Variants in NAALADL2 observed in about 807,000 individuals in gnomAD.
NAALADL2 encodes the protein inactive N-acetylated-alpha-linked acidic dipeptidase-like protein 2.
In NAALADL2, 76 loss-of-function variants were observed where a neutral mutation model predicts 87.2. That is an observed-to-expected ratio of 0.87 (90% confidence interval 0.72 to 1.05). The LOEUF is 1.05. Ranked by LOEUF, NAALADL2 falls within the 50% of genes least tolerant of loss-of-function variation. The pLI, the probability that NAALADL2 is intolerant of heterozygous loss-of-function variation, is 0.00. For missense variants in NAALADL2, 1,089 were observed against 945.8 expected (o/e 1.15, Z -1.99); for synonymous variants, 354 against 331.0 (o/e 1.07, Z -0.75).
chr3:175,496,086 C>T (rs1728772219), intron 9 of NAALADL2, among the ~76,000 whole-genome samples: 2 of 152,072 alleles, frequency 1.3e-5, no homozygotes, highest in African/African-American at 4.8e-5. Flanking sequence ...TACTTGGAAG[C>T]CTGTGTCACA....
intron 2 of NAALADL2, among the ~76,000 whole-genome samples, chr3:175,155,527 GAATT>G (rs1260487926): frequency 6.6e-6 from 1 of 152,066 alleles, no homozygotes. Flanking sequence ...TTTATGTTGG[GAATT>G]AATTCATGGT....
At position 174,705,103 on chromosome 3, in the gene NAALADL2, C is replaced by G. The variant is rs117471710; in HGVS notation, c.-114-32538C>G. 2.6e-5 allele frequency among the ~76,000 whole-genome samples: 4 copies of G among 152,212 alleles called. No homozygotes were observed. In the East Asian group the frequency reaches 7.7e-4, roughly 29 times the overall value. ...GTTGTTTATTCCAGCAGCTCAGGGT[C>G]CTAGGCAGGAACCAGATCTGGACAG... On this transcript the variant is annotated intron_variant, in intron 2 of 3. Transcript: ENST00000434257.
At chr3:175,262,940 A>G (rs1751314561) in intron 4 of NAALADL2, among the ~76,000 whole-genome samples, 1 of 151,484 alleles carries the variant, frequency 6.6e-6, no homozygotes. Flanking sequence ...TTAAAATAAC[A>G]TGCTTGTTCA....
Position 175,140,351 on chromosome 3 carries a change from A to G in NAALADL2, c.545+43060A>G, listed in dbSNP as rs115458792. Among the ~76,000 whole-genome samples the G allele has an allele frequency of 4.8e-3, 725 of 152,242 alleles. 9 individuals are homozygous for G. The highest frequency in any genetic ancestry group is 0.017 in the African/African-American group (710 of 41,542). Reference sequence around the variant, plus strand: ...CTAGAAAATGTACTATATGCATGAGATCATGTCCCTGTCCTCAGAGAGCTT... The same window carrying G: ...CTAGAAAATGTACTATATGCATGAGGTCATGTCCCTGTCCTCAGAGAGCTT... On this transcript the variant is annotated intron_variant, in intron 2 of 13. Coordinates refer to ENST00000454872, the MANE Select transcript of NAALADL2 (RefSeq NM_207015.3).
At chr3:175,627,801 T>C (rs1727199878) in intron 11 of NAALADL2, among the ~76,000 whole-genome samples, 1 of 151,692 alleles carries the variant, frequency 6.6e-6, no homozygotes, top group Non-Finnish European at 1.5e-5. Flanking sequence ...AGTTATTCTA[T>C]TCATCTCAGG....
chr3:175,096,985 T>C lies in NAALADL2; in HGVS notation c.239T>C (p.Ile80Thr), dbSNP rs1424438800. The change falls in exon 2 of 14, where the codon ATA becomes ACA. Residue 80 changes from isoleucine to threonine, a missense_variant. Coordinates refer to ENST00000454872, the MANE Select transcript of NAALADL2 (RefSeq NM_207015.3). ...ENQNLGHSET[I>T]DLNLDSIQPA... is the part of the protein sequence containing the mutation. Reference sequence around the variant, plus strand: ...CAGAACCTAGGGCATTCAGAGACTATAGACCTCAATCTTGATTCCATTCAA... The same window carrying C: ...CAGAACCTAGGGCATTCAGAGACTACAGACCTCAATCTTGATTCCATTCAA... 1.2e-6 allele frequency: 2 copies of C among 1,613,430 alleles called. No individual in the cohort carries two copies. The highest frequency in any genetic ancestry group is 1.7e-6 in the Non-Finnish European group (2 of 1,179,652).
intron 11 of NAALADL2, chr3:175,718,792 T>A: frequency 2.8e-6 from 2 of 706,662 alleles, no homozygotes; most frequent in Non-Finnish European, 4.6e-6. Context: ...CCAAGCATGG[T>A]GACGCACACA....
intron 2 of NAALADL2, among the ~76,000 whole-genome samples, chr3:175,177,871 AG>A (rs1735918286): frequency 6.8e-6 from 1 of 147,100 alleles, no homozygotes; most frequent in African/African-American, 2.5e-5. Context: ...GCATGCTGTA[AG>A]CACCTACAAA....
Position 175,013,272 on chromosome 3 carries a change from T to TA in NAALADL2, c.44-83517dup, listed in dbSNP as rs1560476005. Among the ~76,000 whole-genome samples the TA allele has an allele frequency of 6.4e-3, 616 of 96,162 alleles. 20 individuals carry two copies. Among genetic ancestry groups the TA allele is most frequent in the African/African-American group, 0.03 (588 of 19,822 alleles). The allele number at this position is 96,162 out of a possible 152,430, so 63.1% of individuals were successfully genotyped here. A position where few individuals can be genotyped will look rare whatever the true frequency, so the allele number is the denominator to read the frequency against. On this transcript the variant is annotated intron_variant, in intron 1 of 13. Transcript: ENST00000454872. ...TATATAATATACATATATTTTTATA[T>TA]ATATACATATATATATATATATATA...
chr3:174,866,424 G>C (rs1206201183), intron 1 of NAALADL2, among the ~76,000 whole-genome samples: 1 of 151,192 alleles, frequency 6.6e-6, no homozygotes, highest in East Asian at 1.9e-4. Flanking sequence ...AAAATAGAAA[G>C]GAAAATAATA....
At chr3:174,763,216 C>G in intron 3 of NAALADL2, among the ~76,000 whole-genome samples, 1 of 151,792 alleles carries the variant, frequency 6.6e-6, no homozygotes, top group African/African-American at 2.4e-5. Flanking sequence ...ATTTCCAATC[C>G]TGTTCAGAGT....
intron 2 of NAALADL2, among the ~76,000 whole-genome samples, chr3:174,661,368 A>G (rs1725487177): frequency 6.6e-6 from 1 of 152,154 alleles, no homozygotes. Flanking sequence ...GCAATTTATT[A>G]ATTATTCCAG....
intron 10 of NAALADL2, among the ~76,000 whole-genome samples, chr3:175,608,020 G>A (rs568946381): frequency 1.3e-5 from 2 of 151,440 alleles, no homozygotes; most frequent in Non-Finnish European, 2.9e-5. Context: ...ATTTTTGCCC[G>A]AGGTCACTAT....
At chr3:175,441,575 G>C (rs1387479883) in intron 5 of NAALADL2, among the ~76,000 whole-genome samples, 1 of 151,964 alleles carries the variant, frequency 6.6e-6, no homozygotes, top group African/African-American at 2.4e-5. Flanking sequence ...TGCACTCCTA[G>C]TAAGTCCTAG....
At chr3:175,737,961 A>C (rs1184740330) in intron 12 of NAALADL2, among the ~76,000 whole-genome samples, 12 of 151,666 alleles carry the variant, frequency 7.9e-5, no homozygotes, top group Admixed American at 7.9e-4. Flanking sequence ...TTCTGACCCC[A>C]CCCTAATAAT....
At chr3:174,928,500 A>G (rs1736418374) in intron 1 of NAALADL2, among the ~76,000 whole-genome samples, 1 of 152,178 alleles carries the variant, frequency 6.6e-6, no homozygotes, top group Non-Finnish European at 1.5e-5. Flanking sequence ...TCGGCCTCCC[A>G]AAGTGCTGGT....
intron 2 of NAALADL2, among the ~76,000 whole-genome samples, chr3:174,644,521 C>T (rs180740112): frequency 2.2e-3 from 330 of 151,904 alleles, no homozygotes; most frequent in African/African-American, 7.5e-3. Context: ...CATTTTCATG[C>T]AGATTTAAAC....
At chr3:174,755,590 A>C (rs1711939019) in intron 3 of NAALADL2, among the ~76,000 whole-genome samples, 1 of 152,290 alleles carries the variant, frequency 6.6e-6, no homozygotes, top group South Asian at 2.1e-4. Context: ...CCAGTTCTGC[A>C]TATTGCCAAA....
intron 2 of NAALADL2, among the ~76,000 whole-genome samples, chr3:174,647,025 C>A: frequency 6.6e-6 from 1 of 152,150 alleles, no homozygotes; most frequent in Middle Eastern, 3.4e-3. Flanking sequence ...TAAGGGTTTT[C>A]AATTTTGTTT....
Sources: allele counts gnomAD v4.1 joint callset (sites outside exome capture counted in the v4.1 genomes callset), GRCh38; gene constraint gnomAD v4.1.1; transcripts MANE v1.5; gene names NCBI Gene and HGNC (gene_info 2026-07-23, HGNC 2026-07-21).